Variants in LRFN5 observed in about 807,000 individuals in gnomAD.
LRFN5 encodes the protein leucine-rich repeat and fibronectin type-III domain-containing protein 5.
In LRFN5, 24 loss-of-function variants were observed where a neutral mutation model predicts 45.6. That is an observed-to-expected ratio of 0.53 (90% CI 0.38 to 0.74). LRFN5 has a LOEUF of 0.74. LRFN5 is among the 30% of genes least tolerant of loss of function. LRFN5 has a pLI of 0.00. For missense variants in LRFN5, 776 were observed against 861.5 expected, an observed-to-expected ratio of 0.90 and a Z score of 1.24; for synonymous variants, 340 against 313.8, an observed-to-expected ratio of 1.08 and a Z score of -0.88.
At chr14:41,785,751 G>A (rs1433424510) in intron 2 of LRFN5, among the ~76,000 whole-genome samples, 2 of 152,138 alleles carry the variant, frequency 1.3e-5, no homozygotes, top group Non-Finnish European at 2.9e-5. Flanking sequence ...GTCCGCTCTG[G>A]GAGTGATGGG....
chr14:41,708,817 A>G (rs1883170616), intron 1 of LRFN5, among the ~76,000 whole-genome samples: 1 of 151,964 alleles, frequency 6.6e-6, no homozygotes, highest in South Asian at 2.1e-4. Context: ...ACATTTTAAA[A>G]TCAATATTCT....
At chr14:41,674,718 C>T (rs1262090513) in intron 1 of LRFN5, among the ~76,000 whole-genome samples, 4 of 151,864 alleles carry the variant, frequency 2.6e-5, no homozygotes, top group Non-Finnish European at 5.9e-5. Flanking sequence ...CCCTACCTCC[C>T]TCCCGGACGG....
intron 2 of LRFN5, among the ~76,000 whole-genome samples, chr14:41,802,708 CAT>C: frequency 6.6e-6 from 1 of 152,156 alleles, no homozygotes; most frequent in Middle Eastern, 3.4e-3. Context: ...AGGCTAAAAT[CAT>C]AGTAAAGATG....
chr14:41,805,799 C>T (rs1034574188), intron 2 of LRFN5, among the ~76,000 whole-genome samples: 8 of 152,038 alleles, frequency 5.3e-5, no homozygotes, highest in Non-Finnish European at 2.9e-5. Flanking sequence ...TGAAAACAAA[C>T]GTAGGAGCTG....
chr14:41,765,204 T>C (rs1337335344), intron 1 of LRFN5, among the ~76,000 whole-genome samples: 3 of 151,646 alleles, frequency 2.0e-5, no homozygotes, highest in Non-Finnish European at 2.9e-5. Flanking sequence ...TAGCCGGGCG[T>C]AGTGGCGGGC....
At position 41,818,662 on chromosome 14, in the gene LRFN5, A is replaced by T. The variant is rs1394241285; in HGVS notation, c.-21+51633A>T. Among the ~76,000 whole-genome samples the T allele has an allele frequency of 4.6e-5, 7 of 152,022 alleles. No individual in the cohort carries two copies. In the East Asian group the frequency reaches 1.3e-3, roughly 29 times the overall value. ...GGCTACTTCTCTTGTTTCAATTGTA[A>T]CTAATGTGTTGGAATAGCTACTGTT... On this transcript the variant is annotated intron_variant, in intron 2 of 5. Coordinates refer to ENST00000298119, the MANE Select transcript of LRFN5 (RefSeq NM_152447.5).
At chr14:41,823,182 G>A (rs1888181668) in intron 2 of LRFN5, among the ~76,000 whole-genome samples, 1 of 151,920 alleles carries the variant, frequency 6.6e-6, no homozygotes, top group Non-Finnish European at 1.5e-5. Context: ...AATGTTAAGT[G>A]TTACCTAGTT....
chr14:41,714,672 A>G (rs1424747434), intron 1 of LRFN5, among the ~76,000 whole-genome samples: 2 of 152,120 alleles, frequency 1.3e-5, no homozygotes, highest in Non-Finnish European at 2.9e-5. Context: ...TTGGGAGGCC[A>G]AGGCAGGCAA....
chr14:41,622,756 T>A (rs2138561691), intron 1 of LRFN5, among the ~76,000 whole-genome samples: 1 of 152,220 alleles, frequency 6.6e-6, no homozygotes. Context: ...TAGAGAGAGA[T>A]CACACAAGTG....
chr14:41,649,770 A>G (rs777514694), intron 1 of LRFN5, among the ~76,000 whole-genome samples: 1 of 151,884 alleles, frequency 6.6e-6, no homozygotes. Context: ...CCTCTTAGTA[A>G]TTTTCAATTC....
At chr14:41,705,275 C>G (rs1883016902) in intron 1 of LRFN5, among the ~76,000 whole-genome samples, 1 of 152,090 alleles carries the variant, frequency 6.6e-6, no homozygotes, top group Admixed American at 6.6e-5. Context: ...AACAAAGATA[C>G]TAAAGTGACA....
intron 1 of LRFN5, among the ~76,000 whole-genome samples, chr14:41,609,657 C>T (rs1007661563): frequency 1.3e-5 from 2 of 152,118 alleles, no homozygotes; most frequent in Non-Finnish European, 2.9e-5. Context: ...ATGTTTTATT[C>T]CATAGTGAAG....
chr14:41,660,927 T>G (rs1880621672), intron 1 of LRFN5, among the ~76,000 whole-genome samples: 1 of 151,690 alleles, frequency 6.6e-6, no homozygotes, highest in Non-Finnish European at 1.5e-5. Context: ...TTTCTCTACC[T>G]AATTTTAGTT....
chr14:41,873,908 T>G (rs1174311218), intron 2 of LRFN5, among the ~76,000 whole-genome samples: 1 of 152,176 alleles, frequency 6.6e-6, no homozygotes, highest in Non-Finnish European at 1.5e-5. Context: ...GAAACTGAAA[T>G]ACAGTGGATA....
At chr14:41,901,433 TG>T (rs1188682808) in intron 5 of LRFN5, among the ~76,000 whole-genome samples, 2 of 456 alleles carry the variant, frequency 4.4e-3, no homozygotes, top group Non-Finnish European at 0.017. Context: ...ATGTATGCAT[TG>T]TGTGTGTGTG....
intron 2 of LRFN5, among the ~76,000 whole-genome samples, chr14:41,809,012 T>C (rs1245945076): frequency 6.6e-6 from 1 of 152,130 alleles, no homozygotes; most frequent in East Asian, 1.9e-4. Context: ...AGCAGAAATA[T>C]GCCTGCTGTT....
At chr14:41,641,382 C>T (rs781123691) in intron 1 of LRFN5, among the ~76,000 whole-genome samples, 8 of 151,924 alleles carry the variant, frequency 5.3e-5, no homozygotes, top group Non-Finnish European at 7.4e-5. Flanking sequence ...CAATTTTTCC[C>T]GTACCATTTT....
At chr14:41,631,099 T>C (rs1231963869) in intron 1 of LRFN5, among the ~76,000 whole-genome samples, 2 of 152,122 alleles carry the variant, frequency 1.3e-5, no homozygotes, top group African/African-American at 2.4e-5. Context: ...AGGTCCCTCA[T>C]TGCTTACTAA....
chr14:41,831,431 A>G (rs1888477001), intron 2 of LRFN5, among the ~76,000 whole-genome samples: 1 of 152,228 alleles, frequency 6.6e-6, no homozygotes, highest in African/African-American at 2.4e-5. Context: ...ACACATATAT[A>G]CATGCCACAG....
Sources: gnomAD v4.1 joint callset for allele counts (sites outside exome capture counted in the v4.1 genomes callset) on GRCh38, gnomAD v4.1.1 for gene constraint, MANE v1.5 for transcripts, NCBI Gene and HGNC (gene_info 2026-07-23, HGNC 2026-07-21) for gene names.